Variants in CNTN4 observed in about 807,000 individuals in gnomAD.
CNTN4 encodes contactin-4.
CNTN4 carries 77 observed loss-of-function variants against 122.5 expected under a neutral mutation model. That is an observed-to-expected ratio of 0.63 (90% CI 0.52 to 0.76). The LOEUF is 0.76. Ranked by LOEUF, CNTN4 falls within the 30% of genes least tolerant of loss-of-function variation. CNTN4 has a pLI of 0.00. For synonymous variants in CNTN4, 512 were observed against 447.0 expected, an observed-to-expected ratio of 1.15 and a Z score of -1.83; for missense variants, 1,256 against 1,259.1, an observed-to-expected ratio of 1.00 and a Z score of 0.04.
At chr3:2,178,591 G>A (rs986101081) in intron 2 of CNTN4, among the ~76,000 whole-genome samples, 1 of 152,070 alleles carries the variant, frequency 6.6e-6, no homozygotes, top group African/African-American at 2.4e-5. Flanking sequence ...TGACAATGTA[G>A]TAAAATAGTA....
chr3:2,443,550 A>G (rs2048514269), intron 3 of CNTN4, among the ~76,000 whole-genome samples: 1 of 152,192 alleles, frequency 6.6e-6, no homozygotes, highest in Non-Finnish European at 1.5e-5. Flanking sequence ...GAGCTTCCAT[A>G]GCAAAGAATA....
Position 2,412,082 on chromosome 3 carries a change from G to C in CNTN4, c.-89+72849G>C, listed in dbSNP as rs149977610. 9.5e-4 allele frequency among the ~76,000 whole-genome samples: 144 copies of C among 152,222 alleles called. 1 individual carries two copies. The highest frequency in any genetic ancestry group is 3.3e-3 in the African/African-American group (137 of 41,538). ...TAGGTGGAATCCAAAAGTACGTACT[G>C]TTTTATGTCTGGCTTATTTTGCTCA... On this transcript the variant is annotated intron_variant, in intron 3 of 24. Transcript: ENST00000418658.
At chr3:2,438,727 TC>T (rs2048335898) in intron 3 of CNTN4, among the ~76,000 whole-genome samples, 1 of 152,120 alleles carries the variant, frequency 6.6e-6, no homozygotes, top group African/African-American at 2.4e-5. Context: ...GTGGTGGATC[TC>T]CCACTGGCTT....
intron 14 of CNTN4, among the ~76,000 whole-genome samples, chr3:3,003,556 C>T (rs1411816259): frequency 6.6e-6 from 1 of 151,632 alleles, no homozygotes; most frequent in Non-Finnish European, 1.5e-5. Flanking sequence ...TTTATAGAAA[C>T]AGAAAGTAGA....
chr3:2,132,457 A>G (rs1047200288), intron 2 of CNTN4: 1 of 152,190 alleles, frequency 6.6e-6, no homozygotes, highest in Non-Finnish European at 1.5e-5. Flanking sequence ...TTTGCTGTGA[A>G]GAAGAGAGAT....
intron 4 of CNTN4, among the ~76,000 whole-genome samples, chr3:2,580,497 T>A (rs1045812326): frequency 6.6e-6 from 1 of 151,986 alleles, no homozygotes; most frequent in Non-Finnish European, 1.5e-5. Flanking sequence ...TTAATGTTAC[T>A]GTACTGGAAT....
Position 2,887,382 on chromosome 3 carries a change from GGGT to G in CNTN4, c.940+160_940+162del, listed in dbSNP as rs1334195213. ...TCCATAATCAGCCCTGGTTGATTCT[GGGT>G]GTGGAGAGTGAGGGTGGGGGGCAAG... On this transcript the variant is annotated intron_variant, in intron 10 of 24. Coordinates refer to ENST00000418658, the MANE Select transcript of CNTN4 (RefSeq NM_175607.3). Among the ~76,000 whole-genome samples, 10 of 152,236 alleles carry G rather than the reference GGGT, an allele frequency of 6.6e-5. No individual in the cohort carries two copies. The East Asian group carries it at 1.9e-3, about 30-fold the overall frequency.
chr3:2,628,458 T>G (rs895948527), intron 4 of CNTN4, among the ~76,000 whole-genome samples: 2 of 152,214 alleles, frequency 1.3e-5, no homozygotes, highest in African/African-American at 2.4e-5. Flanking sequence ...TTAACAGGTT[T>G]GATTTATGAG....
rs1168269223 is a variant in CNTN4 at position 2,286,219 on chromosome 3, G to A, written c.-144-52959G>A. Among the ~76,000 whole-genome samples the A allele has an allele frequency of 4.4e-5, 5 of 112,612 alleles. No individual in the cohort carries two copies. In the South Asian group the frequency reaches 1.6e-3, roughly 37 times the overall value. 73.9% of individuals were successfully genotyped at this position (112,612 alleles called of 152,430 possible). ...CTCGGATCTCCTGCCGTGTGTGTGT[G>A]TGTGCATACACCCCCTGCCCCCCCC... On this transcript the variant is annotated intron_variant, in intron 2 of 24. Transcript: ENST00000418658.
chr3:2,524,261 C>T (rs544444336), intron 3 of CNTN4, among the ~76,000 whole-genome samples: 1 of 152,208 alleles, frequency 6.6e-6, no homozygotes, highest in East Asian at 1.9e-4. Context: ...ACTGGCTTAT[C>T]TTGCTTGGCA....
At chr3:2,259,704 G>A (rs1559387582) in intron 2 of CNTN4, among the ~76,000 whole-genome samples, 1 of 152,134 alleles carries the variant, frequency 6.6e-6, no homozygotes, top group Non-Finnish European at 1.5e-5. Context: ...CAAACCACCC[G>A]TATGATTCAG....
chr3:2,434,266 C>T (rs888420307), intron 3 of CNTN4, among the ~76,000 whole-genome samples: 2 of 152,040 alleles, frequency 1.3e-5, no homozygotes, highest in African/African-American at 4.8e-5. Flanking sequence ...ACCCCACAAA[C>T]ATGTATAATT....
intron 5 of CNTN4, among the ~76,000 whole-genome samples, chr3:2,739,759 A>T (rs959465461): frequency 2.0e-5 from 3 of 152,218 alleles, no homozygotes; most frequent in Non-Finnish European, 4.4e-5. Context: ...AAACCCAGAG[A>T]TGCAGTTATC....
intron 2 of CNTN4, among the ~76,000 whole-genome samples, chr3:2,202,523 A>G (rs1301945849): frequency 6.6e-6 from 1 of 152,150 alleles, no homozygotes; most frequent in East Asian, 1.9e-4. Context: ...TCAAGACTTA[A>G]TTACTGAGTC....
intron 8 of CNTN4, among the ~76,000 whole-genome samples, chr3:2,878,408 TC>T (rs1240511212): frequency 1.3e-5 from 2 of 152,220 alleles, no homozygotes; most frequent in Non-Finnish European, 2.9e-5. Flanking sequence ...CATTCCTACA[TC>T]TTTTCCTCCC....
At chr3:2,284,166 A>G (rs2041824670) in intron 2 of CNTN4, among the ~76,000 whole-genome samples, 1 of 152,144 alleles carries the variant, frequency 6.6e-6, no homozygotes, top group African/African-American at 2.4e-5. Flanking sequence ...GGAATTAAAG[A>G]AAGTGAAGAA....
At chr3:2,600,792 G>A (rs1360547965) in intron 4 of CNTN4, among the ~76,000 whole-genome samples, 2 of 152,170 alleles carry the variant, frequency 1.3e-5, no homozygotes, top group East Asian at 1.9e-4. Context: ...TTCCACAATG[G>A]TTGAACTAGT....
intron 3 of CNTN4, among the ~76,000 whole-genome samples, chr3:2,430,209 G>T (rs1338553109): frequency 6.6e-6 from 1 of 151,984 alleles, no homozygotes; most frequent in African/African-American, 2.4e-5. Context: ...GGATCACGAG[G>T]TCAGGAGATT....
chr3:2,345,583 C>G (rs1003166328), intron 3 of CNTN4, among the ~76,000 whole-genome samples: 1 of 152,046 alleles, frequency 6.6e-6, no homozygotes, highest in Non-Finnish European at 1.5e-5. Flanking sequence ...TAAGTACATG[C>G]CAGAACATGT....
Sources: gnomAD v4.1 joint callset for allele counts (sites outside exome capture counted in the v4.1 genomes callset) on GRCh38, gnomAD v4.1.1 for gene constraint, MANE v1.5 for transcripts, NCBI Gene and HGNC (gene_info 2026-07-23, HGNC 2026-07-21) for gene names.